Variants in KDM1A observed in about 807,000 individuals in gnomAD.
KDM1A encodes the protein lysine demethylase 1A.
KDM1A carries 49 observed loss-of-function variants against 109.4 expected under a neutral mutation model. The ratio of observed to expected loss-of-function variants is 0.45; its 90% confidence interval spans 0.36 to 0.57. KDM1A has a LOEUF of 0.57. Ranked by LOEUF, KDM1A falls within the 20% of genes least tolerant of loss-of-function variation. The pLI is 0.00. For missense variants in KDM1A, 668 were observed against 1,116.6 expected (o/e 0.60, Z 5.73); for synonymous variants, 380 against 415.4 (o/e 0.91, Z 1.04).
intron 2 of KDM1A, among the ~76,000 whole-genome samples, chr1:23,041,953 C>A (rs1043410980): frequency 6.6e-6 from 1 of 152,048 alleles, no homozygotes; most frequent in Middle Eastern, 3.2e-3. Flanking sequence ...GTACGCAAGT[C>A]AGGGGTAAGA....
intron 13 of KDM1A, 118 bp downstream of exon 13, chr1:23,071,477 A>C: frequency 1.1e-6 from 1 of 948,800 alleles, no homozygotes. Context: ...AGTGCAATGA[A>C]GACGATTTGG....
intron 12 of KDM1A, among the ~76,000 whole-genome samples, chr1:23,070,959 C>G (rs1643301107): frequency 6.6e-6 from 1 of 152,172 alleles, no homozygotes; most frequent in African/African-American, 2.4e-5. Flanking sequence ...CACTCCTCAT[C>G]CTTCTCATTC....
At chr1:23,056,333 T>C (rs1642829450) in intron 7 of KDM1A, among the ~76,000 whole-genome samples, 1 of 152,132 alleles carries the variant, frequency 6.6e-6, no homozygotes, top group Admixed American at 6.6e-5. Flanking sequence ...ACATATCCTT[T>C]GTTAGGAGGC....
chr1:23,079,620 C>T lies in KDM1A; in HGVS notation c.2123C>T (p.Thr708Met), dbSNP rs1243707840. The change falls in exon 18 of 21, where the codon ACG (threonine) becomes ATG (methionine). Residue 708 changes from threonine (T) to methionine (M), a missense_variant. By Grantham distance (81) the Thr-to-Met change is moderately conservative. Transcript: ENST00000400181. This position sits in a 1 kb window ranked among gnomAD's most constrained non-coding sequence, Gnocchi z 5.6. ...AATTTGTTCGGGCATGTTGGCAGTA[C>T]GACTGCCAGCAGGGGTGAGCTCTTC... Reference protein sequence around the residue: ...SVNLFGHVGSTTASRGELFLF... With the variant: ...SVNLFGHVGSMTASRGELFLF... 4 of 1,613,418 alleles carry T rather than the reference C, an allele frequency of 2.5e-6. No homozygotes were observed. The highest frequency in any genetic ancestry group is 2.5e-6 in the Non-Finnish European group (3 of 1,179,616).
chr1:23,034,409 A>T (rs1451393080), intron 2 of KDM1A, among the ~76,000 whole-genome samples: 2 of 152,226 alleles, frequency 1.3e-5, no homozygotes, highest in Non-Finnish European at 2.9e-5. Flanking sequence ...CGTTTATGAA[A>T]TAGAGTCAAA....
intron 9 of KDM1A, among the ~76,000 whole-genome samples, chr1:23,065,441 A>G (rs1380547253): frequency 6.6e-6 from 1 of 152,178 alleles, no homozygotes; most frequent in East Asian, 1.9e-4. Context: ...CAAGTATTTT[A>G]TGTATTATTT....
At chr1:23,082,083 C>A in intron 19 of KDM1A, 137 bp from the exon 20 acceptor site, 1 of 836,472 alleles carries the variant, frequency 1.2e-6, no homozygotes, top group Non-Finnish European at 1.8e-6. Context: ...AGGCATTCAT[C>A]ACTTGATCAC....
intron 3 of KDM1A, among the ~76,000 whole-genome samples, chr1:23,047,628 G>A (rs1169274223): frequency 6.6e-6 from 1 of 152,118 alleles, no homozygotes; most frequent in Non-Finnish European, 1.5e-5. Context: ...GAGGCCAGGC[G>A]CATTGGCTCA....
At chr1:23,072,093 G>A in intron 13 of KDM1A, 31 bp from the exon 14 acceptor site, 1 of 1,404,870 alleles carries the variant, frequency 7.1e-7, no homozygotes, top group Non-Finnish European at 1.0e-6. Context: ...TGACCCTTCA[G>A]GGTAACTCAG....
At position 23,059,058 on chromosome 1, in the gene KDM1A, T is replaced by C; in HGVS notation, c.1073-15T>C. 6.3e-7 allele frequency: 1 copy of C among 1,576,626 alleles called. No homozygotes were observed. The highest frequency in any genetic ancestry group is 8.6e-7 in the Non-Finnish European group (1 of 1,158,596). On this transcript the variant is annotated splice_polypyrimidine_tract_variant and intron_variant, in intron 8 of 20. Transcript: ENST00000400181. Reference sequence around the variant, plus strand: ...CATAGGTCTATTGAATTTAATTGCTTGAGTTTTTTTCTAGGAGGGAATCCT... The same window carrying C: ...CATAGGTCTATTGAATTTAATTGCTCGAGTTTTTTTCTAGGAGGGAATCCT...
At chr1:23,063,532 C>A (rs978498943) in intron 9 of KDM1A, among the ~76,000 whole-genome samples, 4 of 152,142 alleles carry the variant, frequency 2.6e-5, no homozygotes, top group African/African-American at 9.7e-5. Flanking sequence ...GAACAAACAT[C>A]TTCAATATCT....
At chr1:23,020,000 A>AGGCTTCTCCGCCCTCCCCCGC (rs1641570083) in intron 1 of KDM1A, 53 bp downstream of exon 1, 1 of 1,411,404 alleles carries the variant, frequency 7.1e-7, no homozygotes, top group Non-Finnish European at 9.3e-7. Flanking sequence ...AGCTTCCCCG[A>AGGCTTCTCCGCCCTCCCCCGC]GGCTTCTCCG....
intron 2 of KDM1A, among the ~76,000 whole-genome samples, chr1:23,042,748 G>A (rs550625409): frequency 6.4e-4 from 95 of 147,794 alleles, no homozygotes; most frequent in Middle Eastern, 9.3e-3. Context: ...CACCGCGCCC[G>A]GCCTATTATT....
At chr1:23,042,873 C>T (rs745615155) in intron 2 of KDM1A, among the ~76,000 whole-genome samples, 21 of 151,926 alleles carry the variant, frequency 1.4e-4, no homozygotes, top group Non-Finnish European at 2.1e-4. Context: ...CTCAGCCTCC[C>T]GAGTAGCTGG....
chr1:23,058,484 G>A (rs1046327391), intron 8 of KDM1A, among the ~76,000 whole-genome samples: 5 of 152,112 alleles, frequency 3.3e-5, no homozygotes, highest in African/African-American at 1.2e-4. Context: ...AAAGAGATAG[G>A]TTAGTAGCTT....
At chr1:23,068,321 T>C (rs1326255849) in intron 10 of KDM1A, among the ~76,000 whole-genome samples, 1 of 152,110 alleles carries the variant, frequency 6.6e-6, no homozygotes, top group East Asian at 1.9e-4. Flanking sequence ...ACGGCAGTAG[T>C]GGGAGAAGAA....
chr1:23,059,987 C>A (rs1240148885), intron 9 of KDM1A, among the ~76,000 whole-genome samples: 1 of 152,106 alleles, frequency 6.6e-6, no homozygotes, highest in African/African-American at 2.4e-5. Flanking sequence ...CAAGGAACAT[C>A]CTCACTTACT....
chr1:23,028,911 G>T (rs1356803202), intron 1 of KDM1A, among the ~76,000 whole-genome samples: 3 of 152,046 alleles, frequency 2.0e-5, no homozygotes, highest in Non-Finnish European at 4.4e-5. Flanking sequence ...AGTCATAATT[G>T]TTTTCTCCAT....
At chr1:23,081,371 A>AG in intron 18 of KDM1A, 75 bp from the exon 19 acceptor site, 2 of 1,534,948 alleles carry the variant, frequency 1.3e-6, no homozygotes, top group Non-Finnish European at 1.8e-6. Context: ...ACCAGGAATA[A>AG]GGTGGGGCCT....
Sources: gnomAD v4.1 joint callset for allele counts (sites outside exome capture counted in the v4.1 genomes callset) on GRCh38, gnomAD v4.1.1 for gene constraint, Gnocchi (gnomAD v3.1) non-coding constraint, MANE v1.5 for transcripts, NCBI Gene and HGNC (gene_info 2026-07-23, HGNC 2026-07-21) for gene names.